Variants in SEMA6D observed in about 807,000 individuals in gnomAD.
SEMA6D encodes semaphorin-6D.
Under a neutral mutation model 106.6 loss-of-function variants are expected in SEMA6D, and 35 were observed. The observed-to-expected ratio is 0.33, with a 90% CI of 0.25 to 0.44. The LOEUF (loss-of-function observed/expected upper bound fraction) is 0.44, where lower values mean the gene tolerates loss of function less well. SEMA6D is among the 20% of genes least tolerant of loss of function. SEMA6D has a pLI of 1.00. For synonymous variants in SEMA6D, 499 were observed against 487.7 expected, an observed-to-expected ratio of 1.02 and a Z score of -0.31; for missense variants, 1,185 against 1,345.9, an observed-to-expected ratio of 0.88 and a Z score of 1.87.
At chr15:47,590,061 G>A (rs2076410029) in intron 3 of SEMA6D, among the ~76,000 whole-genome samples, 2 of 152,054 alleles carry the variant, frequency 1.3e-5, no homozygotes, top group Non-Finnish European at 2.9e-5. Flanking sequence ...TAGAAATAGG[G>A]TCTCTGTACA....
intron 1 of SEMA6D, among the ~76,000 whole-genome samples, chr15:47,744,885 A>G (rs573357577): frequency 6.6e-6 from 1 of 152,300 alleles, no homozygotes; most frequent in East Asian, 1.9e-4. Context: ...TCAAAATCAT[A>G]AAATGTCACA....
At chr15:47,515,646 A>G (rs917835048) in intron 3 of SEMA6D, among the ~76,000 whole-genome samples, 2 of 152,156 alleles carry the variant, frequency 1.3e-5, no homozygotes, top group Non-Finnish European at 2.9e-5. Context: ...CCTCTCCTGG[A>G]GGCAGCCTTC....
intron 3 of SEMA6D, among the ~76,000 whole-genome samples, chr15:47,504,842 C>G (rs2043984447): frequency 6.6e-6 from 1 of 152,082 alleles, no homozygotes; most frequent in East Asian, 1.9e-4. Context: ...AGTCACTTCC[C>G]CGGGGAGTGT....
At chr15:47,572,718 A>G (rs1395872159) in intron 3 of SEMA6D, among the ~76,000 whole-genome samples, 3 of 152,232 alleles carry the variant, frequency 2.0e-5, no homozygotes, top group Non-Finnish European at 4.4e-5. Context: ...CAAACACAGA[A>G]TGTGTACTAC....
At chr15:47,349,112 CT>C (rs59705051) in intron 1 of SEMA6D, among the ~76,000 whole-genome samples, 49,721 of 147,502 alleles carry the variant, frequency 0.34, 9,572 homozygotes, top group East Asian at 0.55. Flanking sequence ...TGAGGCTTAC[CT>C]TTTTTTTTTT....
intron 4 of SEMA6D, among the ~76,000 whole-genome samples, chr15:47,627,851 C>G (rs965375773): frequency 6.6e-6 from 1 of 152,080 alleles, no homozygotes; most frequent in African/African-American, 2.4e-5. Flanking sequence ...ACCCTCCCTC[C>G]CTGACCACTG....
At chr15:47,551,219 T>C (rs1458931199) in intron 3 of SEMA6D, among the ~76,000 whole-genome samples, 4 of 152,136 alleles carry the variant, frequency 2.6e-5, no homozygotes, top group African/African-American at 9.7e-5. Flanking sequence ...CCACAACTCA[T>C]GATCTGTATT....
intron 1 of SEMA6D, among the ~76,000 whole-genome samples, chr15:47,213,066 GT>G (rs11284416): frequency 0.38 from 58,536 of 152,050 alleles, 11,676 homozygotes; most frequent in Middle Eastern, 0.51. Context: ...TTTCTGAAGT[GT>G]TGGCAATGTT....
intron 1 of SEMA6D, among the ~76,000 whole-genome samples, chr15:47,208,321 T>C (rs1895251081): frequency 2.0e-5 from 3 of 152,166 alleles, no homozygotes; most frequent in African/African-American, 7.2e-5. Context: ...ATCACTATAA[T>C]AAGGAAGTTT....
chr15:47,699,789 C>A (rs2078771986), intron 4 of SEMA6D, among the ~76,000 whole-genome samples: 1 of 152,214 alleles, frequency 6.6e-6, no homozygotes, highest in South Asian at 2.1e-4. Context: ...CTTTTTGACA[C>A]ATACTGGAAA....
chr15:47,296,757 A>G (rs1022215612), intron 1 of SEMA6D, among the ~76,000 whole-genome samples: 3 of 152,152 alleles, frequency 2.0e-5, no homozygotes, highest in Non-Finnish European at 4.4e-5. Flanking sequence ...TATTCACACA[A>G]TTGGTTACCA....
chr15:47,709,582 C>T (rs545376523), intron 4 of SEMA6D, among the ~76,000 whole-genome samples: 2 of 152,240 alleles, frequency 1.3e-5, no homozygotes, highest in South Asian at 4.2e-4. Context: ...AATGATCCTG[C>T]CCCCTTCCAC....
chr15:47,568,565 T>TA (rs1372445842), intron 3 of SEMA6D, among the ~76,000 whole-genome samples: 8 of 152,198 alleles, frequency 5.3e-5, no homozygotes, highest in Non-Finnish European at 1.0e-4. Context: ...TAACATTATT[T>TA]ATCTGTAATT....
intron 1 of SEMA6D, among the ~76,000 whole-genome samples, chr15:47,720,492 G>C (rs2079362247): frequency 6.6e-6 from 1 of 152,064 alleles, no homozygotes; most frequent in Admixed American, 6.6e-5. Flanking sequence ...AAAGATGGCT[G>C]TGATGTAAAT....
At chr15:47,204,197 T>C (rs987912032) in intron 1 of SEMA6D, among the ~76,000 whole-genome samples, 3 of 152,212 alleles carry the variant, frequency 2.0e-5, no homozygotes, top group African/African-American at 4.8e-5. Context: ...TTCAAAAGCA[T>C]TGAAGCCAAA....
At chr15:47,392,466 G>T (rs1022647649) in intron 1 of SEMA6D, among the ~76,000 whole-genome samples, 1 of 151,912 alleles carries the variant, frequency 6.6e-6, no homozygotes, top group Non-Finnish European at 1.5e-5. Context: ...CAGGGTCAGA[G>T]GCAGGGACAG....
intron 4 of SEMA6D, among the ~76,000 whole-genome samples, chr15:47,686,265 A>C (rs2078466201): frequency 6.6e-6 from 1 of 152,228 alleles, no homozygotes; most frequent in Non-Finnish European, 1.5e-5. Context: ...AAAGAAAAAA[A>C]AAACTTTAAA....
At chr15:47,537,920 A>G (rs933940065) in intron 3 of SEMA6D, among the ~76,000 whole-genome samples, 1 of 152,208 alleles carries the variant, frequency 6.6e-6, no homozygotes, top group Non-Finnish European at 1.5e-5. Context: ...TTATCCAAAT[A>G]TCAATCATAG....
At chr15:47,318,549 A>G (rs956269959) in intron 1 of SEMA6D, among the ~76,000 whole-genome samples, 7 of 149,676 alleles carry the variant, frequency 4.7e-5, no homozygotes, top group Middle Eastern at 3.4e-3. Flanking sequence ...TAGTTTACTG[A>G]GAATGATGAT....
Sources: allele counts gnomAD v4.1 joint callset (sites outside exome capture counted in the v4.1 genomes callset), GRCh38; gene constraint gnomAD v4.1.1; transcripts MANE v1.5; gene names NCBI Gene and HGNC (gene_info 2026-07-23, HGNC 2026-07-21).